The following MICU2 variants were observed in gnomAD, a reference collection of about 807,000 sequenced individuals.
MICU2 encodes calcium uptake protein 2, mitochondrial.
In MICU2, 64 loss-of-function variants were observed where a neutral mutation model predicts 60.4. The ratio of observed to expected loss-of-function variants is 1.06; its 90% confidence interval spans 0.87 to 1.31. The LOEUF (loss-of-function observed/expected upper bound fraction) is 1.31. Among genes scored for constraint, MICU2 ranks in the 50% most tolerant of loss-of-function variants. The pLI is 0.00. For missense variants in MICU2, 569 were observed against 531.0 expected (o/e 1.07, Z -0.70); for synonymous variants, 201 against 175.0 (o/e 1.15, Z -1.17).
intron 1 of MICU2, among the ~76,000 whole-genome samples, chr13:21,584,744 C>A (rs1888422720): frequency 6.6e-6 from 1 of 152,068 alleles, no homozygotes; most frequent in Non-Finnish European, 1.5e-5. Flanking sequence ...ATATTTACTA[C>A]TAATTTACTC....
intron 6 of MICU2, among the ~76,000 whole-genome samples, chr13:21,515,965 C>T (rs1397599027): frequency 6.6e-6 from 1 of 152,152 alleles, no homozygotes; most frequent in African/African-American, 2.4e-5. Context: ...GAACCTCTTA[C>T]AAATTTTTAT....
chr13:21,502,857 T>C, intron 9 of MICU2, 69 bp downstream of exon 9: 1 of 1,438,336 alleles, frequency 7.0e-7, no homozygotes, highest in Non-Finnish European at 9.5e-7. Flanking sequence ...ATTCAGAAGT[T>C]ACTTTATGTA....
At chr13:21,529,801 G>A (rs140786180) in intron 4 of MICU2, among the ~76,000 whole-genome samples, 1 of 152,180 alleles carries the variant, frequency 6.6e-6, no homozygotes, top group African/African-American at 2.4e-5. Flanking sequence ...CACAGGAGCT[G>A]GGAGACTCTA....
chr13:21,574,328 C>T (rs1159510069), intron 1 of MICU2, among the ~76,000 whole-genome samples: 1 of 152,184 alleles, frequency 6.6e-6, no homozygotes, highest in Non-Finnish European at 1.5e-5. Context: ...TGGGGCTATA[C>T]TGAACACATG....
intron 6 of MICU2, among the ~76,000 whole-genome samples, chr13:21,521,030 GCTTA>G (rs1415497438): frequency 6.6e-6 from 1 of 152,014 alleles, no homozygotes; most frequent in Admixed American, 6.6e-5. Context: ...AGATGCTTCT[GCTTA>G]CTTCTCTTTT....
In MICU2 at chr13:21,603,942, T is replaced by C. The variant is rs766408099; in HGVS notation, c.207A>G (p.Ala69=). Residue 69 remains alanine (A), a synonymous_variant, in exon 1 of 12, where the codon GCA becomes GCG. Transcript: ENST00000382374. ...GCAGAAGGAGTTAGTCCTGTACCTG[T>C]GCGGAGACTGTAAAACTGCCATCCC... ...AARDGSFTVS[A]QKNVEHGIIY... is the part of the protein sequence containing the mutation. 1.9e-6 allele frequency: 3 copies of C among 1,612,480 alleles called. No individual in the cohort carries two copies. Among genetic ancestry groups the C allele is most frequent in the Non-Finnish European group, 1.7e-6 (2 of 1,179,592 alleles).
At position 21,603,946 on chromosome 13, in the gene MICU2, G is replaced by A. The variant is rs374060258; in HGVS notation, c.203C>T (p.Ser68Phe). 5 of 1,612,594 alleles carry A rather than the reference G, an allele frequency of 3.1e-6. No homozygotes were observed. The highest frequency in any genetic ancestry group is 4.2e-6 in the Non-Finnish European group (5 of 1,179,620). Reference sequence around the variant, plus strand: ...AAGGAGTTAGTCCTGTACCTGTGCGGAGACTGTAAAACTGCCATCCCGCGC... The same window carrying A: ...AAGGAGTTAGTCCTGTACCTGTGCGAAGACTGTAAAACTGCCATCCCGCGC... Reference protein sequence around the residue: ...VAARDGSFTVSAQKNVEHGII... With the variant: ...VAARDGSFTVFAQKNVEHGII... Residue 68 changes from serine to phenylalanine, a missense_variant, in exon 1 of 12, where the codon TCC becomes TTC. Ser to Phe is a radical substitution (Grantham distance 155). Transcript: ENST00000382374.
chr13:21,604,152 T>C lies in MICU2; in HGVS notation c.-4A>G. ...AGCTACCCGCAGCCGCCGCCATCTTTGCGGAAGCGCAGCTAGGCGGCGCTT... is the reference window on the plus strand; with the variant it reads ...AGCTACCCGCAGCCGCCGCCATCTTCGCGGAAGCGCAGCTAGGCGGCGCTT... On this transcript the variant is annotated 5_prime_UTR_variant, in exon 1 of 12. Coordinates refer to ENST00000382374, the MANE Select transcript of MICU2 (RefSeq NM_152726.3). 6.4e-7 allele frequency: 1 copy of C among 1,550,936 alleles called. No homozygotes were observed. The highest frequency in any genetic ancestry group is 2.3e-4 in the Middle Eastern group (1 of 4,344).
chr13:21,517,791 A>ACGCGCGCGCGCG (rs1318389251), intron 6 of MICU2, among the ~76,000 whole-genome samples: 1 of 97,948 alleles, frequency 1.0e-5, no homozygotes, highest in African/African-American at 3.8e-5. Flanking sequence ...ACACACACAC[A>ACGCGCGCGCGCG]CACACACACG....
Position 21,565,746 on chromosome 13 carries a change from T to C in MICU2, c.358+1051A>G, listed in dbSNP as rs529044385. 3.9e-5 allele frequency among the ~76,000 whole-genome samples: 6 copies of C among 152,254 alleles called. No homozygotes were observed. The East Asian group carries it at 5.8e-4, about 15-fold the overall frequency. ...TACTCGGGAGGCTGAGGCAGGAGAA[T>C]TGCTTGAACCCGGGAGGCGGAGGTT... On this transcript the variant is annotated intron_variant, in intron 2 of 11. Coordinates refer to ENST00000382374, the MANE Select transcript of MICU2 (RefSeq NM_152726.3).
At chr13:21,567,036 G>T in intron 1 of MICU2, 92 bp from the exon 2 acceptor site, 2 of 1,075,750 alleles carry the variant, frequency 1.9e-6, no homozygotes, top group Non-Finnish European at 1.3e-6. Context: ...TTCACGCTTG[G>T]ATCTGACAAT....
chr13:21,556,450 T>C (rs1044486944), intron 2 of MICU2, among the ~76,000 whole-genome samples: 4 of 152,216 alleles, frequency 2.6e-5, no homozygotes, highest in African/African-American at 9.6e-5. Flanking sequence ...TCCAAACTCA[T>C]TTTTGAGATC....
chr13:21,513,299 T>A (rs1195600772), intron 7 of MICU2, among the ~76,000 whole-genome samples: 1 of 152,182 alleles, frequency 6.6e-6, no homozygotes, highest in East Asian at 1.9e-4. Context: ...GTAGCAAGAA[T>A]GGACATCCTT....
chr13:21,559,393 C>T (rs9580157), intron 2 of MICU2, among the ~76,000 whole-genome samples: 25,679 of 152,222 alleles, frequency 0.17, 2,906 homozygotes, highest in Non-Finnish European at 0.26. Flanking sequence ...ATATATCCCA[C>T]TGCACAGGGG....
At chr13:21,532,272 T>C (rs1887020874) in intron 4 of MICU2, among the ~76,000 whole-genome samples, 1 of 152,222 alleles carries the variant, frequency 6.6e-6, no homozygotes, top group Non-Finnish European at 1.5e-5. Context: ...TTTCATATAA[T>C]CTCCACTACC....
intron 6 of MICU2, among the ~76,000 whole-genome samples, chr13:21,516,056 T>C (rs1886561817): frequency 6.6e-6 from 1 of 152,232 alleles, no homozygotes; most frequent in South Asian, 2.1e-4. Context: ...CTTCAATAAT[T>C]ACCAGTATTC....
chr13:21,512,445 ATT>A (rs139822285), intron 7 of MICU2, among the ~76,000 whole-genome samples: 7 of 125,212 alleles, frequency 5.6e-5, no homozygotes, highest in Admixed American at 1.7e-4. Flanking sequence ...CAAATTTTTA[ATT>A]TTTTTTTTTT....
chr13:21,549,091 C>CA (rs1887486271), intron 2 of MICU2, among the ~76,000 whole-genome samples: 1 of 151,324 alleles, frequency 6.6e-6, no homozygotes, highest in Non-Finnish European at 1.5e-5. Flanking sequence ...ACACCTGGCT[C>CA]ATTTTTTTTT....
intron 7 of MICU2, among the ~76,000 whole-genome samples, 181 bp downstream of exon 7, chr13:21,514,172 A>G (rs1886503582): frequency 6.6e-6 from 1 of 152,254 alleles, no homozygotes; most frequent in South Asian, 2.1e-4. Flanking sequence ...AGTATAGCCT[A>G]TTGTTCAGAC....
Sources: gnomAD v4.1 joint callset for allele counts (sites outside exome capture counted in the v4.1 genomes callset) on GRCh38, gnomAD v4.1.1 for gene constraint, MANE v1.5 for transcripts, NCBI Gene and HGNC (gene_info 2026-07-23, HGNC 2026-07-21) for gene names.